Variants in XYLT1 observed in about 807,000 individuals in gnomAD.
XYLT1 encodes beta-D-xylosyltransferase 1.
In XYLT1, 36 loss-of-function variants were observed where a neutral mutation model predicts 91.3. That is an observed-to-expected ratio of 0.39 (90% CI 0.30 to 0.52). The LOEUF (loss-of-function observed/expected upper bound fraction) is 0.52. Ranked by LOEUF, XYLT1 falls within the 20% of genes least tolerant of loss-of-function variation. The pLI, the probability that XYLT1 is intolerant of heterozygous loss-of-function variation, is 0.68. For missense variants in XYLT1, 1,242 were observed against 1,284.5 expected, an observed-to-expected ratio of 0.97 and a Z score of 0.51; for synonymous variants, 588 against 532.0, an observed-to-expected ratio of 1.11 and a Z score of -1.45.
chr16:17,372,235 T>G (rs1567397676), intron 1 of XYLT1, among the ~76,000 whole-genome samples: 1 of 152,250 alleles, frequency 6.6e-6, no homozygotes, highest in Non-Finnish European at 1.5e-5. Flanking sequence ...ACAGTTGTTC[T>G]GATTTCACAT....
At chr16:17,370,171 C>T (rs1392207115) in intron 1 of XYLT1, among the ~76,000 whole-genome samples, 1 of 152,214 alleles carries the variant, frequency 6.6e-6, no homozygotes, top group Non-Finnish European at 1.5e-5. Context: ...GTCTCAATGG[C>T]TTTGTTTCTG....
At chr16:17,469,210 CTAA>C (rs1458485824) in intron 1 of XYLT1, among the ~76,000 whole-genome samples, 1 of 152,208 alleles carries the variant, frequency 6.6e-6, no homozygotes, top group East Asian at 1.9e-4. Flanking sequence ...ACGCTGTGTA[CTAA>C]GGCAGTCTTC....
Position 17,206,209 on chromosome 16 carries a change from G to A in XYLT1, c.914-5555C>T, listed in dbSNP as rs1458939951. On this transcript the variant is annotated intron_variant, in intron 3 of 11. Transcript: ENST00000261381. ...CACAGATGAGGAAAAGTTTCACAGC[G>A]GCAGCAGGCGCGTTGCAGAGGAGCG... Among the ~76,000 whole-genome samples the A allele has an allele frequency of 2.6e-5, 4 of 152,276 alleles. No individual in the cohort carries two copies. In the South Asian group the frequency reaches 6.2e-4, roughly 24 times the overall value.
intron 1 of XYLT1, among the ~76,000 whole-genome samples, chr16:17,387,975 T>TG (rs1362677394): frequency 2.6e-5 from 4 of 152,216 alleles, no homozygotes; most frequent in African/African-American, 9.6e-5. Context: ...CTTAGACTGA[T>TG]GCTCGTGACT....
chr16:17,197,014 A>ATATATATATATATATATATAT (rs1597184723), intron 5 of XYLT1, among the ~76,000 whole-genome samples: 2 of 110,502 alleles, frequency 1.8e-5, no homozygotes, highest in African/African-American at 9.0e-5. Context: ...CTGTCTCCAA[A>ATATATATATATATATATATAT]ATATATATAT....
chr16:17,252,917 G>A (rs2033563919), intron 3 of XYLT1, among the ~76,000 whole-genome samples: 1 of 152,158 alleles, frequency 6.6e-6, no homozygotes, highest in Middle Eastern at 3.2e-3. Context: ...GAGAAACACA[G>A]GGCATCCATC....
chr16:17,164,038 CAAAAAAAAAAAAAAA>C (rs57343034), intron 5 of XYLT1, among the ~76,000 whole-genome samples: 13 of 44,424 alleles, frequency 2.9e-4, no homozygotes, highest in East Asian at 1.1e-3. Flanking sequence ...AACTCTGTCT[CAAAAAAAAAAAAAAA>C]AAAAAAAAAA....
chr16:17,339,450 G>A (rs979282659), intron 2 of XYLT1, among the ~76,000 whole-genome samples: 10 of 152,072 alleles, frequency 6.6e-5, no homozygotes, highest in African/African-American at 2.4e-4. Flanking sequence ...TTCAAAATTA[G>A]GGTAGTTATT....
intron 3 of XYLT1, among the ~76,000 whole-genome samples, chr16:17,246,609 T>C (rs545623892): frequency 3.9e-5 from 6 of 152,286 alleles, no homozygotes; most frequent in African/African-American, 1.4e-4. Context: ...TCTTCGTCTG[T>C]TCAATGGAAC....
chr16:17,384,154 A>C (rs2035718570), intron 1 of XYLT1, among the ~76,000 whole-genome samples: 1 of 151,830 alleles, frequency 6.6e-6, no homozygotes, highest in Non-Finnish European at 1.5e-5. Flanking sequence ...CTGGGCTAAT[A>C]ATGTATGTAA....
At chr16:17,395,820 G>T (rs953274579) in intron 1 of XYLT1, among the ~76,000 whole-genome samples, 1 of 152,146 alleles carries the variant, frequency 6.6e-6, no homozygotes, top group Non-Finnish European at 1.5e-5. Context: ...ATTCTTCAGG[G>T]ACCCTTCGGG....
At position 17,185,212 on chromosome 16, in the gene XYLT1, C is replaced by G. The variant is rs577033647; in HGVS notation, c.1289+13000G>C. On this transcript the variant is annotated intron_variant, in intron 5 of 11. Transcript: ENST00000261381. Reference sequence around the variant, plus strand: ...GAAGCAAACTGCATTTCTGCAAAAGCAGGAGTGTGTGCTCCATCAGCCTGA... The same window carrying G: ...GAAGCAAACTGCATTTCTGCAAAAGGAGGAGTGTGTGCTCCATCAGCCTGA... Among the ~76,000 whole-genome samples the G allele has an allele frequency of 1.1e-3, 173 of 152,352 alleles. 3 individuals carry two copies. The highest frequency in any genetic ancestry group is 3.8e-3 in the African/African-American group (157 of 41,588).
At chr16:17,296,600 C>T (rs1427333694) in intron 2 of XYLT1, among the ~76,000 whole-genome samples, 1 of 152,154 alleles carries the variant, frequency 6.6e-6, no homozygotes, top group Non-Finnish European at 1.5e-5. Context: ...ACATCAATGC[C>T]AGCAGGGGTG....
At position 17,105,459 on chromosome 16, in the gene XYLT1, T is replaced by G. The variant is rs1226372809; in HGVS notation, c.*3236A>C. On this transcript the variant is annotated 3_prime_UTR_variant, in exon 12 of 12. Transcript: ENST00000261381. ...CCTGCAAAGGGAGAAAGCAGCGCGCTTCTCACAACACGGGGACCTTGGGAA... is the reference window on the plus strand; with the variant it reads ...CCTGCAAAGGGAGAAAGCAGCGCGCGTCTCACAACACGGGGACCTTGGGAA... The G allele has an allele frequency of 1.3e-5, 2 of 152,284 alleles. No individual in the cohort carries two copies. Among genetic ancestry groups the G allele is most frequent in the South Asian group, 2.1e-4 (1 of 4,826 alleles). 9.4% of individuals were successfully genotyped at this position (152,284 alleles called of 1,614,324 possible).
In XYLT1 at chr16:17,363,242, T is replaced by C. The variant is rs138598386; in HGVS notation, c.364-5192A>G. 1.6e-3 allele frequency among the ~76,000 whole-genome samples: 250 copies of C among 152,318 alleles called. 2 individuals carry two copies. The highest frequency in any genetic ancestry group is 5.9e-3 in the African/African-American group (244 of 41,578). On this transcript the variant is annotated intron_variant, in intron 1 of 11. Coordinates refer to ENST00000261381, the MANE Select transcript of XYLT1 (RefSeq NM_022166.4). ...CAGGCCTAGTAGTGCAGGACAAAGA[T>C]GAATTATTCAGTGGGAAAAGAGGGC...
At chr16:17,241,683 T>G (rs1227508395) in intron 3 of XYLT1, among the ~76,000 whole-genome samples, 1 of 152,226 alleles carries the variant, frequency 6.6e-6, no homozygotes, top group Admixed American at 6.5e-5. Flanking sequence ...GGGAACTTGC[T>G]GCTTCCTTAC....
intron 10 of XYLT1, among the ~76,000 whole-genome samples, chr16:17,118,285 C>CGAACGAATGAAT (rs146083737): frequency 3.2e-4 from 48 of 151,470 alleles, no homozygotes; most frequent in Middle Eastern, 3.4e-3. Context: ...AATGAATGAA[C>CGAACGAATGAAT]GAATGAATGA....
chr16:17,327,348 TC>T (rs2034821107), intron 2 of XYLT1, among the ~76,000 whole-genome samples: 1 of 143,248 alleles, frequency 7.0e-6, no homozygotes. Context: ...AACTTCCTTT[TC>T]TTTTCTTTTT....
rs931852769 is a variant in XYLT1, at chr16:17,259,240, C to T, written c.661G>A (p.Asp221Asn). 1 of 1,614,060 alleles carries T rather than the reference C, an allele frequency of 6.2e-7. No homozygotes were observed. The change falls in exon 3 of 12, where the codon GAC (aspartate) becomes AAC (asparagine). Residue 221 changes from aspartate to asparagine, a missense_variant. Around this residue, in one of 3 missense-constraint regions of XYLT1, gnomAD observed 437 missense variants for 411.5 expected, o/e 1.06. Transcript: ENST00000261381. The part of the protein sequence containing the change: ...KGPGEVLPPG[D>N]RAAANSSHGK... ...TGGCTGCTGTTGGCTGCGGCTCTGT[C>T]CCCGGGAGGCAGCACCTCACCGGGG... is the stretch of plus-strand genomic sequence containing the variant.
Sources: gnomAD v4.1 joint callset for allele counts (sites outside exome capture counted in the v4.1 genomes callset) on GRCh38, gnomAD v4.1.1 for gene constraint, gnomAD v4.1.1 regional missense constraint, MANE v1.5 for transcripts, NCBI Gene and HGNC (gene_info 2026-07-23, HGNC 2026-07-21) for gene names.